The following C12orf42 variants were observed in gnomAD, a reference collection of about 807,000 sequenced individuals.
The protein encoded by C12orf42 is chromosome 12 open reading frame 42.
Under a neutral mutation model 21.6 loss-of-function variants are expected in C12orf42, and 25 were observed. That is an observed-to-expected ratio of 1.16 (90% CI 0.84 to 1.62). The LOEUF is 1.62. Ranked by LOEUF, C12orf42 falls within the 40% of genes most tolerant of loss-of-function variation. The pLI is 0.00. For missense variants in C12orf42, 483 were observed against 459.3 expected, an observed-to-expected ratio of 1.05 and a Z score of -0.47; for synonymous variants, 174 against 175.0, an observed-to-expected ratio of 0.99 and a Z score of 0.05.
the C12orf42 span, among the ~76,000 whole-genome samples, chr12:103,219,576 T>G: frequency 7.3e-5 from 11 of 151,476 alleles, no homozygotes; most frequent in African/African-American, 2.7e-4. Context: ...AAAAAACAAA[T>G]AAGCCCATCA....
chr12:103,149,185 A>C, the C12orf42 span, among the ~76,000 whole-genome samples: 2 of 152,146 alleles, frequency 1.3e-5, no homozygotes, highest in African/African-American at 4.8e-5. Context: ...GATTTTCAAA[A>C]AAATTCCCCT....
the C12orf42 span, among the ~76,000 whole-genome samples, chr12:103,514,408 G>A: frequency 6.6e-6 from 1 of 152,134 alleles, no homozygotes; most frequent in East Asian, 1.9e-4. Context: ...CTCTCTAAGG[G>A]AACCGTCTTC....
chr12:103,281,354 C>T (rs2036103589), intron 4 of C12orf42, among the ~76,000 whole-genome samples: 1 of 152,086 alleles, frequency 6.6e-6, no homozygotes, highest in African/African-American at 2.4e-5. Context: ...ACTTTTGTAT[C>T]ATCCTGACGT....
At chr12:103,189,498 A>T in the C12orf42 span, among the ~76,000 whole-genome samples, 2 of 152,228 alleles carry the variant, frequency 1.3e-5, no homozygotes, top group Non-Finnish European at 2.9e-5. Context: ...TCCAAATGGG[A>T]CACAAAAACA....
At chr12:103,162,964 T>C in the C12orf42 span, 1 of 152,238 alleles carries the variant, frequency 6.6e-6, no homozygotes, top group African/African-American at 2.4e-5. Flanking sequence ...AGATGCCCTT[T>C]CACCAGGTAG....
At chr12:103,182,407 G>A in the C12orf42 span, among the ~76,000 whole-genome samples, 1 of 152,184 alleles carries the variant, frequency 6.6e-6, no homozygotes, top group East Asian at 1.9e-4. Context: ...AAACAGATAT[G>A]AAATAGGTAA....
At chr12:103,116,521 C>T in the C12orf42 span, among the ~76,000 whole-genome samples, 4 of 151,816 alleles carry the variant, frequency 2.6e-5, no homozygotes, top group Non-Finnish European at 5.9e-5. Flanking sequence ...TATGCCTCTC[C>T]CTGCCATGTT....
At chr12:103,481,657 A>T (rs200023515) in intron 1 of C12orf42, among the ~76,000 whole-genome samples, 1 of 5,374 alleles carries the variant, frequency 1.9e-4, no homozygotes, top group Non-Finnish European at 6.0e-4. Flanking sequence ...GAGTTACTTT[A>T]AAAAAAAAAT....
the C12orf42 span, among the ~76,000 whole-genome samples, chr12:103,560,764 T>A: frequency 6.6e-6 from 1 of 152,204 alleles, no homozygotes; most frequent in Non-Finnish European, 1.5e-5. Flanking sequence ...AGTCCATGAC[T>A]CATCTTTATG....
chr12:103,372,738 T>A (rs2045365426), intron 3 of C12orf42, among the ~76,000 whole-genome samples: 1 of 152,100 alleles, frequency 6.6e-6, no homozygotes, highest in Non-Finnish European at 1.5e-5. Flanking sequence ...TATGACAAAG[T>A]AGGAAAACTG....
At position 103,302,159 on chromosome 12, in the gene C12orf42, C is replaced by A. The variant is rs1343066847; in HGVS notation, c.1032G>T (p.Thr344=). Residue 344 remains threonine (T), a synonymous_variant, in exon 6 of 6, where the codon ACG becomes ACT. Transcript: ENST00000548883. ...APPRPTRRFH[T]VCSQALSRPV... is the part of the protein sequence containing the mutation. ...GCCTAGAAAGGGCCTGTGAACAAAC[C>A]GTATGGAAACGCCGGGTTGGGCGGG... 1.4e-5 allele frequency: 22 copies of A among 1,610,218 alleles called. No individual in the cohort carries two copies. The highest frequency in any genetic ancestry group is 1.9e-5 in the Non-Finnish European group (22 of 1,178,000).
At position 103,390,786 on chromosome 12, in the gene C12orf42, A is replaced by C. The variant is rs913177018; in HGVS notation, c.147+10821T>G. On this transcript the variant is annotated intron_variant, in intron 3 of 5. Coordinates refer to ENST00000548883, the MANE Select transcript of C12orf42 (RefSeq NM_198521.5). ...AGCGCAAGAGATGACATCTTAGTTC[A>C]AGCAGAGTGAAAATTCATCTTTTTT... Among the ~76,000 whole-genome samples, 7 of 152,298 alleles carry C rather than the reference A, an allele frequency of 4.6e-5. 1 individual carries two copies. The highest frequency in any genetic ancestry group is 2.6e-4 in the Admixed American group (4 of 15,298).
chr12:103,078,144 A>C, the C12orf42 span, among the ~76,000 whole-genome samples: 3 of 152,190 alleles, frequency 2.0e-5, no homozygotes, highest in Admixed American at 2.0e-4. Flanking sequence ...GGGAGAAGAA[A>C]CTAACAGGTA....
chr12:103,531,115 C>A, the C12orf42 span, among the ~76,000 whole-genome samples: 6 of 152,186 alleles, frequency 3.9e-5, no homozygotes, highest in Non-Finnish European at 7.3e-5. Flanking sequence ...CCATCAAGTT[C>A]ATCTCCTCCA....
intron 4 of C12orf42, among the ~76,000 whole-genome samples, chr12:103,319,391 C>A (rs1329273149): frequency 1.3e-5 from 2 of 151,994 alleles, no homozygotes; most frequent in Non-Finnish European, 2.9e-5. Context: ...AAAAAGAAAT[C>A]CAGGCTACCC....
chr12:103,147,757 T>C, the C12orf42 span, among the ~76,000 whole-genome samples: 1 of 151,872 alleles, frequency 6.6e-6, no homozygotes, highest in East Asian at 1.9e-4. Flanking sequence ...AGGTCCCTGG[T>C]CCCCTTTTCT....
the C12orf42 span, among the ~76,000 whole-genome samples, chr12:103,514,572 C>T: frequency 4.6e-5 from 7 of 152,194 alleles, no homozygotes; most frequent in East Asian, 5.8e-4. Flanking sequence ...ATCATAAGAA[C>T]GTTGGCTTTT....
chr12:103,323,946 T>C (rs2040429093), intron 4 of C12orf42, among the ~76,000 whole-genome samples: 1 of 152,206 alleles, frequency 6.6e-6, no homozygotes, highest in African/African-American at 2.4e-5. Context: ...GCACAAAGTA[T>C]ATTGAGATGT....
intron 2 of C12orf42, among the ~76,000 whole-genome samples, chr12:103,411,749 T>C (rs2048865439): frequency 6.6e-6 from 1 of 152,230 alleles, no homozygotes; most frequent in South Asian, 2.1e-4. Context: ...CCTCCAGGAC[T>C]ACGAGCAATA....
Sources: gnomAD v4.1 joint callset for allele counts (sites outside exome capture counted in the v4.1 genomes callset) on GRCh38, gnomAD v4.1.1 for gene constraint, MANE v1.5 for transcripts, NCBI Gene and HGNC (gene_info 2026-07-23, HGNC 2026-07-21) for gene names.